Variants in NBPF19 observed in about 807,000 individuals in gnomAD.
NBPF19 encodes NBPF family member NBPF19.
A neutral mutation model predicts 45.9 loss-of-function variants in NBPF19; 30 were observed. The observed-to-expected ratio is 0.65, with a 90% CI of 0.49 to 0.89. The LOEUF is 0.89. Among genes scored for constraint, NBPF19 ranks in the 40% least tolerant of loss-of-function variants. The probability of loss-of-function intolerance (pLI) is 0.00; values close to 1 mark genes in which losing one functional copy is unlikely to be tolerated. For synonymous variants in NBPF19, 183 were observed against 181.2 expected (o/e 1.01, Z -0.08); for missense variants, 495 against 471.8 (o/e 1.05, Z -0.46).
In NBPF19 at chr1:149,554,429, A is replaced by T. The variant is rs1432875536; in HGVS notation, c.11289-66A>T. The T allele has an allele frequency of 1.6e-5, 26 of 1,607,730 alleles. No individual in the cohort carries two copies. The African/African-American group carries it at 2.4e-4, about 15-fold the overall frequency. ...ACCACTTCCTTATGTGACTTCTGAAATCTAGTGGGGCTCTGTGGTGTCTGA... is the reference window on the plus strand; with the variant it reads ...ACCACTTCCTTATGTGACTTCTGAATTCTAGTGGGGCTCTGTGGTGTCTGA... On this transcript the variant is annotated intron_variant, in intron 93 of 93. Transcript: ENST00000651566.
chr1:149,494,412 C>A lies in NBPF19; in HGVS notation c.2092C>A (p.Pro698Thr). The A allele has an allele frequency of 3.4e-6, 1 of 293,376 alleles. No individual in the cohort carries two copies. The highest frequency in any genetic ancestry group is 7.3e-5 in the East Asian group (1 of 13,620). 18.2% of individuals were successfully genotyped at this position (293,376 alleles called of 1,614,324 possible). A position where few individuals can be genotyped will look rare whatever the true frequency, so the allele number is the denominator to read the frequency against. Reference sequence around the variant, plus strand: ...GATTCCTTCAGGTTATCTTGAACTGCCTGACTTAGGCCAGCCCTACAGCAG... The same window carrying A: ...GATTCCTTCAGGTTATCTTGAACTGACTGACTTAGGCCAGCCCTACAGCAG... ...YSIPSGYLEL[P>T]DLGQPYSSAV... Residue 698 changes from proline to threonine, a missense_variant, in exon 18 of 94, where the codon CCT becomes ACT. Pro to Thr is a conservative substitution (Grantham distance 38). Coordinates refer to ENST00000651566, the MANE Select transcript of NBPF19 (RefSeq NM_001351365.2).
At chr1:149,529,025 C>A in intron 61 of NBPF19, 149 bp from the exon 62 acceptor site, 3 of 461,754 alleles carry the variant, frequency 6.5e-6, no homozygotes, top group Non-Finnish European at 1.2e-5. Context: ...TGTTCTGTCC[C>A]AACATGAAGG....
Position 149,554,315 on chromosome 1 carries a change from G to A in NBPF19, c.11289-180G>A, listed in dbSNP as rs1468311731. Among the ~76,000 whole-genome samples, 256 of 151,862 alleles carry A rather than the reference G, an allele frequency of 1.7e-3. No homozygotes were observed. The Middle Eastern group carries it at 0.02, about 12-fold the overall frequency. Reference sequence around the variant, plus strand: ...TCTCTCTCTGTCTTTCTCTTTCATTGTTTTCTACCTGGCCCTGTTCTATCC... The same window carrying A: ...TCTCTCTCTGTCTTTCTCTTTCATTATTTTCTACCTGGCCCTGTTCTATCC... On this transcript the variant is annotated intron_variant, in intron 93 of 93. Coordinates refer to ENST00000651566, the MANE Select transcript of NBPF19 (RefSeq NM_001351365.2).
At position 149,487,014 on chromosome 1, in the gene NBPF19, A is replaced by C. The variant is rs2085560416; in HGVS notation, c.989-318A>C. Among the ~76,000 whole-genome samples the C allele has an allele frequency of 4.8e-4, 73 of 150,874 alleles. 4 individuals carry two copies. In the South Asian group the frequency reaches 0.015, roughly 31 times the overall value. On this transcript the variant is annotated intron_variant, in intron 8 of 93. Coordinates refer to ENST00000651566, the MANE Select transcript of NBPF19 (RefSeq NM_001351365.2). ...TTGATGAGAGAAAGCTTAATATTGAAGTATCTCTCCTATGAGGTGTTAGAA... is the reference window on the plus strand; with the variant it reads ...TTGATGAGAGAAAGCTTAATATTGACGTATCTCTCCTATGAGGTGTTAGAA...
rs1381820095 is a variant in NBPF19 at position 149,477,364 on chromosome 1, C to T, written c.176-581C>T. On this transcript the variant is annotated intron_variant, in intron 2 of 93. Transcript: ENST00000651566. ...ACAACTAATCTAAATCTTAATGCTG[C>T]CTCTCATACTAATAAAGTATTTGGG... 2.6e-4 allele frequency among the ~76,000 whole-genome samples: 39 copies of T among 151,326 alleles called. 1 individual carries two copies. The highest frequency in any genetic ancestry group is 9.2e-4 in the Admixed American group (14 of 15,174).
At position 149,554,493 on chromosome 1, in the gene NBPF19, A is replaced by G. The variant is rs1290789651; in HGVS notation, c.11289-2A>G. 1.2e-6 allele frequency: 2 copies of G among 1,607,654 alleles called. 1 individual carries two copies. Among genetic ancestry groups the G allele is most frequent in the African/African-American group, 2.7e-5 (2 of 74,454 alleles). On this transcript the variant is annotated splice_acceptor_variant, in intron 93 of 93. Transcript: ENST00000651566. LOFTEE classifies it high-confidence loss of function. ...CTTCTTTAGTTTTGTCTCCTTTTCC[A>G]GGCTCAACAGCGTGCTGATGGAAGT... is the stretch of plus-strand genomic sequence containing the variant.
At position 149,487,195 on chromosome 1, in the gene NBPF19, T is replaced by C. The variant is rs1197432807; in HGVS notation, c.989-137T>C. On this transcript the variant is annotated intron_variant, in intron 8 of 93. Transcript: ENST00000651566. The stretch of plus-strand genomic sequence containing the variant: ...TTTTCTCAAGACTTGACCTCAGGCC[T>C]ACTGCAATATTTCTCTCAAAGTCTC... 57 of 803,320 alleles carry C rather than the reference T, an allele frequency of 7.1e-5. 4 individuals are homozygous for C. Among genetic ancestry groups the C allele is most frequent in the Non-Finnish European group, 1.1e-4 (52 of 457,548 alleles). 49.8% of individuals were successfully genotyped at this position (803,320 alleles called of 1,614,324 possible).
At chr1:149,554,406 C>T (rs1194516048) in intron 93 of NBPF19, 89 bp from the exon 94 acceptor site, 90,723 of 1,603,634 alleles carry the variant, frequency 0.057, 5,716 homozygotes, top group South Asian at 0.07. Flanking sequence ...CTTTTCTAAC[C>T]ACTTCCTTAT....
chr1:149,486,955 T>C (rs2085554203), intron 8 of NBPF19, among the ~76,000 whole-genome samples: 2 of 150,774 alleles, frequency 1.3e-5, no homozygotes, highest in South Asian at 4.2e-4. Flanking sequence ...AATCTCTGTG[T>C]CCACAATCTC....
rs1161740119 is a variant in NBPF19 at position 149,528,943 on chromosome 1, CTCTG to C, written c.7347-229_7347-226del. 1.2e-3 allele frequency among the ~76,000 whole-genome samples: 155 copies of C among 124,470 alleles called. 1 individual carries two copies. Among genetic ancestry groups the C allele is most frequent in the Middle Eastern group, 9.2e-3 (2 of 218 alleles). The allele number at this position is 124,470 out of a possible 152,430, so 81.7% of individuals were successfully genotyped here. On this transcript the variant is annotated intron_variant, in intron 61 of 93. Transcript: ENST00000651566. ...ACAATTCACTGAGCTCGTTCTCTCTCTCTGTGTGTGTGTGTGTGTGTGTGTGTGT... is the reference window on the plus strand; with the variant it reads ...ACAATTCACTGAGCTCGTTCTCTCTCTGTGTGTGTGTGTGTGTGTGTGTGT...
chr1:149,495,684 T>TGC (rs2086076058), intron 19 of NBPF19, among the ~76,000 whole-genome samples: 1 of 35,248 alleles, frequency 2.8e-5, no homozygotes, highest in Non-Finnish European at 5.3e-5. Flanking sequence ...TGTGTGCGTG[T>TGC]GTGTGTGTGT....
In NBPF19 at chr1:149,487,482, G is replaced by C. The variant is rs1448226816; in HGVS notation, c.1040+99G>C. The C allele has an allele frequency of 1.1e-4, 109 of 984,786 alleles. 3 individuals carry two copies. In the Admixed American group the frequency reaches 1.6e-3, roughly 14 times the overall value. 61.0% of individuals were successfully genotyped at this position (984,786 alleles called of 1,614,324 possible). ...ATGCTGAAAATAATGATTTTGTCTTGTCAGACAAGTCTGAATTATGCCTAA... is the reference window on the plus strand; with the variant it reads ...ATGCTGAAAATAATGATTTTGTCTTCTCAGACAAGTCTGAATTATGCCTAA... On this transcript the variant is annotated intron_variant, in intron 9 of 93. Transcript: ENST00000651566.
chr1:149,519,444 T>C (rs2086609916), intron 49 of NBPF19, among the ~76,000 whole-genome samples: 1 of 29,914 alleles, frequency 3.3e-5, no homozygotes, highest in Non-Finnish European at 6.4e-5. Flanking sequence ...TCTCTCTCTC[T>C]CTGTGTGTGT....
In NBPF19 at chr1:149,554,505, G is replaced by T. The variant is rs1252031487; in HGVS notation, c.11299G>T (p.Val3767Leu). The T allele has an allele frequency of 9.1e-5, 147 of 1,608,070 alleles. 3 individuals are homozygous for T. Among genetic ancestry groups the T allele is most frequent in the Non-Finnish European group, 1.1e-4 (127 of 1,176,684 alleles). The change falls in exon 94 of 94, where the codon GTG becomes TTG. Residue 3767 changes from valine (V) to leucine (L), a missense_variant. Coordinates refer to ENST00000651566, the MANE Select transcript of NBPF19 (RefSeq NM_001351365.2). Reference sequence around the variant, plus strand: ...TGTCTCCTTTTCCAGGCTCAACAGCGTGCTGATGGAAGTGGAAGAGCCTGA... The same window carrying T: ...TGTCTCCTTTTCCAGGCTCAACAGCTTGCTGATGGAAGTGGAAGAGCCTGA... ...QNPPCPRLNS[V>L]LMEVEEPEVL...
Position 149,554,763 on chromosome 1 carries a change from G to T in NBPF19, c.*25G>T. On this transcript the variant is annotated 3_prime_UTR_variant, in exon 94 of 94. Coordinates refer to ENST00000651566, the MANE Select transcript of NBPF19 (RefSeq NM_001351365.2). ...GGCAGCCCTTACTAAGCCGAGAGAT[G>T]TCATTCCTGCAGGCAGGACCTATAG... 2 of 1,607,694 alleles carry T rather than the reference G, an allele frequency of 1.2e-6. No individual in the cohort carries two copies. Among genetic ancestry groups the T allele is most frequent in the Non-Finnish European group, 8.5e-7 (1 of 1,176,248 alleles).
rs1408349824 is a variant in NBPF19, at chr1:149,475,248, A to G, written c.-583A>G. On this transcript the variant is annotated 5_prime_UTR_variant, in exon 1 of 94. Transcript: ENST00000651566. ...ATACAGAAAAAACTGCAGAAGACCC[A>G]GAGGATATCAGGGCAGGCTAAAAGT... 5.9e-4 allele frequency among the ~76,000 whole-genome samples: 89 copies of G among 150,310 alleles called. No individual in the cohort carries two copies. The highest frequency in any genetic ancestry group is 5.9e-4 in the Non-Finnish European group (40 of 67,262).
rs2087197623 is a variant in NBPF19 at position 149,554,568 on chromosome 1, C to T, written c.11362C>T (p.Pro3788Ser). ...QDSLDGCYST[P>S]SMYFELPDSF... ...CTCACTGGATGGATGTTATTCGACTCCGTCAATGTACTTTGAACTACCTGA... is the reference window on the plus strand; with the variant it reads ...CTCACTGGATGGATGTTATTCGACTTCGTCAATGTACTTTGAACTACCTGA... The change falls in exon 94 of 94, where the codon CCG becomes TCG. Residue 3788 changes from proline (P) to serine (S), a missense_variant. Physicochemically the swap from Pro to Ser is moderately conservative, Grantham distance 74. Coordinates refer to ENST00000651566, the MANE Select transcript of NBPF19 (RefSeq NM_001351365.2). 1.2e-6 allele frequency: 2 copies of T among 1,608,124 alleles called. No individual in the cohort carries two copies. Among genetic ancestry groups the T allele is most frequent in the South Asian group, 2.2e-5 (2 of 90,892 alleles).
chr1:149,487,726 C>A (rs1175458565), intron 9 of NBPF19, among the ~76,000 whole-genome samples: 1 of 148,556 alleles, frequency 6.7e-6, no homozygotes, highest in Non-Finnish European at 1.5e-5. Context: ...ACAGAGTGTC[C>A]TTTGACTCCC....
intron 59 of NBPF19, among the ~76,000 whole-genome samples, chr1:149,527,333 C>A: frequency 2.6e-5 from 1 of 37,924 alleles, no homozygotes; most frequent in East Asian, 4.5e-4. Context: ...GGCACTAACT[C>A]AGAGTGTCCT....
Sources: allele counts gnomAD v4.1 joint callset (sites outside exome capture counted in the v4.1 genomes callset), GRCh38; gene constraint gnomAD v4.1.1; transcripts MANE v1.5; gene names NCBI Gene and HGNC (gene_info 2026-07-23, HGNC 2026-07-21).